Variants in ETS1 observed in about 807,000 individuals in gnomAD.
The protein encoded by ETS1 is ETS proto-oncogene 1, transcription factor.
A neutral mutation model predicts 58.6 loss-of-function variants in ETS1; 15 were observed. The observed-to-expected ratio is 0.26, with a 90% CI of 0.17 to 0.39. ETS1 has a LOEUF of 0.39. Among genes scored for constraint, ETS1 ranks in the 10% least tolerant of loss-of-function variants. The pLI, the probability that ETS1 is intolerant of heterozygous loss-of-function variation, is 1.00. For missense variants in ETS1, 417 were observed against 610.5 expected, an observed-to-expected ratio of 0.68 and a Z score of 3.34; for synonymous variants, 214 against 218.2, an observed-to-expected ratio of 0.98 and a Z score of 0.17.
chr11:128,577,534 T>C (rs1864775341), intron 1 of ETS1, among the ~76,000 whole-genome samples: 1 of 152,230 alleles, frequency 6.6e-6, no homozygotes, highest in South Asian at 2.1e-4. Flanking sequence ...GGAAAGTAGC[T>C]GGCACATAGA....
In ETS1 at chr11:128,540,245, G is replaced by A. The variant is rs140736680; in HGVS notation, c.214+16046C>T. Among the ~76,000 whole-genome samples, 7 of 151,002 alleles carry A rather than the reference G, an allele frequency of 4.6e-5. No individual in the cohort carries two copies. The East Asian group carries it at 5.8e-4, about 13-fold the overall frequency. ...GGAGAATCACTTCAACCCAGGAGGC[G>A]GACGGAGGATGCAGTGAGCGGAGAT... On this transcript the variant is annotated intron_variant, in intron 3 of 9. Coordinates refer to ENST00000392668, the MANE Select transcript of ETS1 (RefSeq NM_001143820.2).
chr11:128,487,673 A>C (rs776633546), intron 5 of ETS1, among the ~76,000 whole-genome samples: 2 of 152,196 alleles, frequency 1.3e-5, no homozygotes, highest in Non-Finnish European at 2.9e-5. Context: ...TAGGAGGCGA[A>C]GGTTGCAGTG....
At chr11:128,500,062 C>A (rs1466661816) in intron 3 of ETS1, among the ~76,000 whole-genome samples, 1 of 152,064 alleles carries the variant, frequency 6.6e-6, no homozygotes, top group African/African-American at 2.4e-5. Flanking sequence ...AAAGTTAGCC[C>A]GGGAAGGGCA....
intron 3 of ETS1, among the ~76,000 whole-genome samples, chr11:128,497,277 C>T (rs935628114): frequency 6.6e-5 from 10 of 152,178 alleles, no homozygotes; most frequent in South Asian, 2.1e-4. Flanking sequence ...AGGGAAAGCA[C>T]GCTCTTTGGG....
chr11:128,509,411 C>A lies in ETS1; in HGVS notation c.215-18835G>T, dbSNP rs114310303. ...AGAACTCTCAAGCTGGGGTGGAGCT[C>A]TCACTTCATTCCTCAATTGTCTAAT... On this transcript the variant is annotated intron_variant, in intron 3 of 9. Transcript: ENST00000392668. 7.1e-3 allele frequency among the ~76,000 whole-genome samples: 1,083 copies of A among 152,278 alleles called. 11 individuals are homozygous for A. The highest frequency in any genetic ancestry group is 0.025 in the African/African-American group (1,022 of 41,546).
chr11:128,500,159 G>C (rs7933425), intron 3 of ETS1, among the ~76,000 whole-genome samples: 8,811 of 152,142 alleles, frequency 0.058, 799 homozygotes, highest in African/African-American at 0.2. Flanking sequence ...CAAGGGAGAA[G>C]GCTGGAGCTG....
At chr11:128,522,466 A>AGCCGGGGGCGGGGC (rs1342360458) in intron 3 of ETS1, 4 of 544,320 alleles carry the variant, frequency 7.3e-6, no homozygotes, top group East Asian at 1.5e-4. Flanking sequence ...CAGGGCGGGG[A>AGCCGGGGGCGGGGC]GCCGGGGGCG....
intron 3 of ETS1, among the ~76,000 whole-genome samples, chr11:128,520,490 CTATA>C (rs1201664961): frequency 6.6e-6 from 1 of 152,222 alleles, no homozygotes; most frequent in Non-Finnish European, 1.5e-5. Flanking sequence ...CTTTTCACTT[CTATA>C]TATGGTTTCA....
intron 5 of ETS1, among the ~76,000 whole-genome samples, chr11:128,488,930 AC>A (rs1862716429): frequency 6.6e-6 from 1 of 152,034 alleles, no homozygotes; most frequent in African/African-American, 2.4e-5. Context: ...ATTGCAGAAA[AC>A]AAAAACAAAA....
At chr11:128,537,548 G>T (rs1863989933) in intron 3 of ETS1, among the ~76,000 whole-genome samples, 1 of 152,138 alleles carries the variant, frequency 6.6e-6, no homozygotes, top group Admixed American at 6.6e-5. Context: ...CCTACCCCTG[G>T]GAACTAAGGA....
rs1864473663 is a variant in ETS1 at position 128,565,260 on chromosome 11, C to T, written c.69+7802G>A. On this transcript the variant is annotated intron_variant, in intron 2 of 9. Transcript: ENST00000392668. ...GTTTGGCCTCTTCCCTCCCTTCCGCCACTGAGGACACAGCGTTCATCCCCT... is the reference window on the plus strand; with the variant it reads ...GTTTGGCCTCTTCCCTCCCTTCCGCTACTGAGGACACAGCGTTCATCCCCT... 2.0e-5 allele frequency among the ~76,000 whole-genome samples: 3 copies of T among 152,176 alleles called. No individual in the cohort carries two copies. The South Asian group carries it at 6.2e-4, about 32-fold the overall frequency.
chr11:128,572,944 G>C (rs910693334), intron 2 of ETS1, 118 bp downstream of exon 2: 4 of 706,418 alleles, frequency 5.7e-6, no homozygotes, highest in African/African-American at 5.3e-5. Flanking sequence ...AAGCTGATTC[G>C]AACCTTGGAG....
chr11:128,562,234 C>G (rs1409776858), intron 2 of ETS1, among the ~76,000 whole-genome samples: 1 of 152,178 alleles, frequency 6.6e-6, no homozygotes, highest in Non-Finnish European at 1.5e-5. Flanking sequence ...CAAGTTGAAA[C>G]CCCGGCTCTA....
At chr11:128,568,143 G>T (rs1204502150) in intron 2 of ETS1, among the ~76,000 whole-genome samples, 1 of 152,164 alleles carries the variant, frequency 6.6e-6, no homozygotes, top group African/African-American at 2.4e-5. Flanking sequence ...CTGGGAGGAG[G>T]TGAGTGGGCA....
At chr11:128,531,565 G>C (rs1274913291) in intron 3 of ETS1, among the ~76,000 whole-genome samples, 2 of 152,170 alleles carry the variant, frequency 1.3e-5, no homozygotes, top group African/African-American at 4.8e-5. Context: ...GTCTAGGTAT[G>C]CAAATCATGC....
intron 3 of ETS1, among the ~76,000 whole-genome samples, chr11:128,515,322 T>C (rs1181362319): frequency 6.6e-6 from 1 of 152,048 alleles, no homozygotes; most frequent in African/African-American, 2.4e-5. Context: ...CACAGAACCT[T>C]GCAAAGCAAA....
At chr11:128,509,837 T>C (rs1863345552) in intron 3 of ETS1, among the ~76,000 whole-genome samples, 1 of 152,214 alleles carries the variant, frequency 6.6e-6, no homozygotes. Flanking sequence ...TTATCTGAAC[T>C]TAATTCTGGA....
chr11:128,558,195 T>A (rs561453447), intron 2 of ETS1, among the ~76,000 whole-genome samples: 26 of 152,242 alleles, frequency 1.7e-4, no homozygotes, highest in Non-Finnish European at 3.2e-4. Context: ...TGTCACCAGT[T>A]GTGTTGCATC....
At chr11:128,580,081 G>C (rs902218457) in intron 1 of ETS1, among the ~76,000 whole-genome samples, 1 of 149,772 alleles carries the variant, frequency 6.7e-6, no homozygotes, top group African/African-American at 2.5e-5. Context: ...TTTACTAAAT[G>C]AGGGAAAGTA....
Sources: allele counts gnomAD v4.1 joint callset (sites outside exome capture counted in the v4.1 genomes callset), GRCh38; gene constraint gnomAD v4.1.1; transcripts MANE v1.5; gene names NCBI Gene and HGNC (gene_info 2026-07-23, HGNC 2026-07-21).